RALGAPB: variants seen among roughly 807,000 people sequenced by gnomAD.
RALGAPB encodes ral GTPase-activating protein subunit beta.
Under a neutral mutation model 161.1 loss-of-function variants are expected in RALGAPB, and 25 were observed. That is an observed-to-expected ratio of 0.16 (90% confidence interval 0.11 to 0.22). The LOEUF (loss-of-function observed/expected upper bound fraction) is 0.22. Ranked by LOEUF, RALGAPB falls within the 10% of genes least tolerant of loss-of-function variation. The pLI, the probability that RALGAPB is intolerant of heterozygous loss-of-function variation, is 1.00. For synonymous variants in RALGAPB, 629 were observed against 626.1 expected (o/e 1.00, Z -0.07); for missense variants, 1,391 against 1,815.2 (o/e 0.77, Z 4.25).
intron 21 of RALGAPB, 28 bp from the exon 22 acceptor site, chr20:38,553,838 CA>C (rs1265337082): frequency 1.2e-6 from 1 of 867,812 alleles, no homozygotes; most frequent in Admixed American, 2.0e-5. Context: ...ATAATAGTTT[CA>C]AAAAATGAAA....
At position 38,565,188 on chromosome 20, in the gene RALGAPB, TAA is replaced by T. The variant is rs2087948707; in HGVS notation, c.3698-169_3698-168del. On this transcript the variant is annotated intron_variant, in intron 24 of 29. Transcript: ENST00000262879. ...AAATTAAGATTTTATTATTTAAAAA[TAA>T]AGACATCTAATAAGCATTATATTTT... Among the ~76,000 whole-genome samples the T allele has an allele frequency of 3.9e-5, 6 of 152,304 alleles. No individual in the cohort carries two copies. The South Asian group carries it at 8.3e-4, about 21-fold the overall frequency.
intron 20 of RALGAPB, among the ~76,000 whole-genome samples, chr20:38,549,547 A>ATATATATAT (rs1339712516): frequency 7.8e-5 from 10 of 128,184 alleles, no homozygotes; most frequent in African/African-American, 2.8e-4. Flanking sequence ...AAAAAAAAAA[A>ATATATATAT]AAATATATAT....
At chr20:38,498,374 T>G (rs2085488315) in intron 4 of RALGAPB, among the ~76,000 whole-genome samples, 1 of 152,234 alleles carries the variant, frequency 6.6e-6, no homozygotes, top group Non-Finnish European at 1.5e-5. Context: ...CAAGTTCTCT[T>G]GTTGCTTATT....
intron 1 of RALGAPB, among the ~76,000 whole-genome samples, chr20:38,474,002 G>A (rs1349987833): frequency 1.3e-5 from 2 of 152,222 alleles, no homozygotes; most frequent in Admixed American, 1.3e-4. Context: ...CACCCGCAGA[G>A]ATCTTTAGGT....
intron 10 of RALGAPB, among the ~76,000 whole-genome samples, chr20:38,523,642 C>T (rs1225980047): frequency 6.6e-6 from 1 of 152,124 alleles, no homozygotes; most frequent in African/African-American, 2.4e-5. Flanking sequence ...ATCCAGTAAG[C>T]TTTTGGGTAA....
Position 38,510,909 on chromosome 20 carries a change from C to CA in RALGAPB, c.872+1718dup, listed in dbSNP as rs770635898. On this transcript the variant is annotated intron_variant, in intron 6 of 29. Coordinates refer to ENST00000262879, the MANE Select transcript of RALGAPB (RefSeq NM_020336.4). ...TGGGCGACAGAGCGAGACTCCGTCT[C>CA]AAAAAAAAAAAAAAAAAGAAAATCT... Among the ~76,000 whole-genome samples the CA allele has an allele frequency of 5.5e-3, 287 of 52,610 alleles. 3 individuals are homozygous for CA. Among genetic ancestry groups the CA allele is most frequent in the East Asian group, 8.9e-3 (19 of 2,134 alleles). 34.5% of individuals were successfully genotyped at this position (52,610 alleles called of 152,430 possible).
chr20:38,566,177 C>T (rs2087991233), intron 25 of RALGAPB, among the ~76,000 whole-genome samples: 1 of 152,128 alleles, frequency 6.6e-6, no homozygotes, highest in South Asian at 2.1e-4. Context: ...TTGTTGTGCC[C>T]TACCTTGGTA....
In RALGAPB at chr20:38,546,244, A is replaced by G. The variant is rs1286498158; in HGVS notation, c.2716A>G (p.Ile906Val). Residue 906 changes from isoleucine (I) to valine (V), a missense_variant and splice_region_variant, in exon 19 of 30, where the codon ATT (isoleucine) becomes GTT (valine). Coordinates refer to ENST00000262879, the MANE Select transcript of RALGAPB (RefSeq NM_020336.4). ...KDAAEATLTC[I>V]MQLLGAFPSP... is the part of the protein sequence containing the mutation. The stretch of plus-strand genomic sequence containing the variant: ...TGTTATCTTTTCCATTCTCCATAGC[A>G]TTATGCAGTTGCTCGGCGCATTTCC... 1 of 1,613,906 alleles carries G rather than the reference A, an allele frequency of 6.2e-7. No individual in the cohort carries two copies. Among genetic ancestry groups the G allele is most frequent in the African/African-American group, 1.3e-5 (1 of 74,914 alleles).
intron 1 of RALGAPB, among the ~76,000 whole-genome samples, chr20:38,475,136 T>G (rs1223264324): frequency 6.6e-6 from 1 of 152,226 alleles, no homozygotes; most frequent in East Asian, 1.9e-4. Context: ...AGGGAAAGTC[T>G]TTTTATTACT....
intron 11 of RALGAPB, 22 bp from the exon 12 acceptor site, chr20:38,525,382 A>G: frequency 6.6e-7 from 1 of 1,523,254 alleles, no homozygotes; most frequent in Non-Finnish European, 9.0e-7. Flanking sequence ...AAAAATACTA[A>G]TAGCTTTTTA....
chr20:38,528,203 A>G (rs2086529956), intron 13 of RALGAPB, among the ~76,000 whole-genome samples: 1 of 152,176 alleles, frequency 6.6e-6, no homozygotes, highest in Non-Finnish European at 1.5e-5. Flanking sequence ...CCTAGTTTTG[A>G]AAGTATTCCA....
chr20:38,494,741 T>C (rs973455743), intron 3 of RALGAPB, among the ~76,000 whole-genome samples: 2 of 152,228 alleles, frequency 1.3e-5, no homozygotes, highest in African/African-American at 4.8e-5. Flanking sequence ...TTTCTTGTTA[T>C]CTTATTTAGG....
chr20:38,521,282 A>G (rs1182808061), intron 9 of RALGAPB, among the ~76,000 whole-genome samples: 1 of 152,206 alleles, frequency 6.6e-6, no homozygotes, highest in East Asian at 1.9e-4. Context: ...CATCTGTTAA[A>G]CTGACAATGC....
At chr20:38,525,001 G>T (rs2086414376) in intron 11 of RALGAPB, 56 bp downstream of exon 11, 6 of 1,498,486 alleles carry the variant, frequency 4.0e-6, no homozygotes, top group Middle Eastern at 1.7e-4. Context: ...TGGTCTGTTG[G>T]TGCTTCCTCC....
rs2087960375 is a variant in RALGAPB, at chr20:38,565,447, T to C, written c.3786T>C (p.Ala1262=). The change falls in exon 25 of 30, where the codon GCT becomes GCC. Residue 1262 remains alanine (A), a synonymous_variant. Coordinates refer to ENST00000262879, the MANE Select transcript of RALGAPB (RefSeq NM_020336.4). ...ATGCTGATGCCCTTACAGAAATTGCTTTTGTGGTTCCTTCTCCTGTGGAGT... is the reference window on the plus strand; with the variant it reads ...ATGCTGATGCCCTTACAGAAATTGCCTTTGTGGTTCCTTCTCCTGTGGAGT... ...LYYADALTEI[A]FVVPSPVESL... 3 of 1,613,704 alleles carry C rather than the reference T, an allele frequency of 1.9e-6. No individual in the cohort carries two copies. Among genetic ancestry groups the C allele is most frequent in the Non-Finnish European group, 2.5e-6 (3 of 1,179,726 alleles).
intron 16 of RALGAPB, 108 bp from the exon 17 acceptor site, chr20:38,539,668 C>T (rs1291620155): frequency 3.1e-6 from 3 of 969,092 alleles, no homozygotes; most frequent in African/African-American, 3.3e-5. Context: ...GCAAGGCTTC[C>T]TGTAGTGTAT....
At chr20:38,514,162 A>G (rs1220573195) in intron 6 of RALGAPB, among the ~76,000 whole-genome samples, 1 of 152,106 alleles carries the variant, frequency 6.6e-6, no homozygotes, top group Non-Finnish European at 1.5e-5. Context: ...GCAGCGAACA[A>G]CCCTTTCTCA....
intron 1 of RALGAPB, among the ~76,000 whole-genome samples, chr20:38,482,427 T>C (rs1055410786): frequency 1.8e-4 from 2 of 11,146 alleles, no homozygotes; most frequent in Admixed American, 3.6e-3. Context: ...TATGTTTATC[T>C]TTTTTTTTTT....
intron 2 of RALGAPB, among the ~76,000 whole-genome samples, chr20:38,491,872 T>G (rs1307491005): frequency 6.6e-6 from 1 of 152,246 alleles, no homozygotes; most frequent in African/African-American, 2.4e-5. Flanking sequence ...TTGATCTTAT[T>G]GAGCAGGCTG....
Sources: gnomAD v4.1 joint callset for allele counts (sites outside exome capture counted in the v4.1 genomes callset) on GRCh38, gnomAD v4.1.1 for gene constraint, MANE v1.5 for transcripts, NCBI Gene and HGNC (gene_info 2026-07-23, HGNC 2026-07-21) for gene names.